Variants in SH3PXD2A observed in about 807,000 individuals in gnomAD.
SH3PXD2A encodes SH3 and PX domain-containing protein 2A.
In SH3PXD2A, 32 loss-of-function variants were observed where a neutral mutation model predicts 115.2. The observed-to-expected ratio is 0.28, with a 90% CI of 0.21 to 0.37. The LOEUF (loss-of-function observed/expected upper bound fraction) is 0.37. Among genes scored for constraint, SH3PXD2A ranks in the 10% least tolerant of loss-of-function variants. SH3PXD2A has a pLI of 1.00. For synonymous variants in SH3PXD2A, 610 were observed against 629.1 expected, an observed-to-expected ratio of 0.97 and a Z score of 0.45; for missense variants, 1,328 against 1,498.7, an observed-to-expected ratio of 0.89 and a Z score of 1.88.
intron 6 of SH3PXD2A, among the ~76,000 whole-genome samples, chr10:103,688,417 G>A (rs1490183472): frequency 1.3e-5 from 2 of 152,230 alleles, no homozygotes; most frequent in Non-Finnish European, 2.9e-5. Context: ...CAGAGAAGAA[G>A]CAAGCAAACA....
At chr10:103,799,390 G>T (rs1444837359) in intron 2 of SH3PXD2A, among the ~76,000 whole-genome samples, 1 of 152,246 alleles carries the variant, frequency 6.6e-6, no homozygotes, top group Non-Finnish European at 1.5e-5. Flanking sequence ...TCCAAAGAAC[G>T]ATTCCAACCC....
Position 103,603,654 on chromosome 10 carries a change from C to G in SH3PXD2A, c.1564G>C (p.Val522Leu), listed in dbSNP as rs1266161823. 1 of 1,605,242 alleles carries G rather than the reference C, an allele frequency of 6.2e-7. No homozygotes were observed. Among genetic ancestry groups the G allele is most frequent in the East Asian group, 2.2e-5 (1 of 44,810 alleles). ...RRTSTLTRPK[V>L]PPPAPPSKPK... ...TTGCTGGGGGGTGCTGGCGGGGGCA[C>G]CTTGGGCCGGGTCAGCGTGCTTGTG... Residue 522 changes from valine to leucine, a missense_variant, in exon 15 of 15, where the codon GTG becomes CTG. Around this residue, in one of 5 missense-constraint regions of SH3PXD2A, gnomAD observed 509 missense variants for 628.3 expected, o/e 0.81. Coordinates refer to ENST00000369774, the MANE Select transcript of SH3PXD2A (RefSeq NM_001394015.1).
chr10:103,804,414 C>A lies in SH3PXD2A; in HGVS notation c.73-3052G>T, dbSNP rs576215378. Among the ~76,000 whole-genome samples the A allele has an allele frequency of 8.0e-5, 12 of 150,110 alleles. No individual in the cohort carries two copies. The South Asian group carries it at 2.6e-3, about 32-fold the overall frequency. The stretch of plus-strand genomic sequence containing the variant: ...TCGGCTCATTGTGACCTCCGCCTCC[C>A]GGGTTCACGCCATTCTCCTGCCTCA... On this transcript the variant is annotated intron_variant, in intron 1 of 14. Transcript: ENST00000369774.
At chr10:103,830,529 A>G (rs2134302795) in intron 1 of SH3PXD2A, among the ~76,000 whole-genome samples, 1 of 152,338 alleles carries the variant, frequency 6.6e-6, no homozygotes, top group South Asian at 2.1e-4. Context: ...GCTGCAATAT[A>G]TAAGGATGTC....
chr10:103,838,430 G>C (rs2039566899), intron 1 of SH3PXD2A, among the ~76,000 whole-genome samples: 1 of 152,204 alleles, frequency 6.6e-6, no homozygotes, highest in Non-Finnish European at 1.5e-5. Flanking sequence ...GAGGGGGTAA[G>C]TGACTCACCC....
chr10:103,758,708 G>A (rs1271675521), intron 3 of SH3PXD2A, among the ~76,000 whole-genome samples: 1 of 152,236 alleles, frequency 6.6e-6, no homozygotes, highest in African/African-American at 2.4e-5. Context: ...TTTGGGGATG[G>A]GAAGCAGTAA....
At chr10:103,750,890 C>G (rs1367462900) in intron 3 of SH3PXD2A, among the ~76,000 whole-genome samples, 1 of 152,148 alleles carries the variant, frequency 6.6e-6, no homozygotes, top group Non-Finnish European at 1.5e-5. Context: ...TGCCTGTGAA[C>G]AATTTTGTCA....
intron 8 of SH3PXD2A, among the ~76,000 whole-genome samples, chr10:103,654,419 G>A (rs1039221018): frequency 5.9e-5 from 9 of 152,110 alleles, no homozygotes; most frequent in African/African-American, 2.2e-4. Flanking sequence ...CCAGATGGGG[G>A]AAATTGAGGC....
intron 7 of SH3PXD2A, among the ~76,000 whole-genome samples, chr10:103,664,834 A>AT (rs550788182): frequency 1.3e-5 from 2 of 150,146 alleles, no homozygotes; most frequent in East Asian, 1.9e-4. Flanking sequence ...ACCTGGCTAA[A>AT]TTTTTTTTTG....
intron 5 of SH3PXD2A, 111 bp downstream of exon 5, chr10:103,724,159 C>T (rs967513161): frequency 4.0e-6 from 2 of 495,916 alleles, no homozygotes; most frequent in African/African-American, 2.0e-5. Flanking sequence ...CCCGGCTGGC[C>T]CTGCTAGCTC....
At position 103,830,385 on chromosome 10, in the gene SH3PXD2A, G is replaced by C. The variant is rs368301497; in HGVS notation, c.72+24810C>G. ...GCCAATAGGCTGGAAGGTCTTCCGG[G>C]TATTACCAAGTGTTGATGAGGATGT... On this transcript the variant is annotated intron_variant, in intron 1 of 14. Coordinates refer to ENST00000369774, the MANE Select transcript of SH3PXD2A (RefSeq NM_001394015.1). 2.0e-5 allele frequency among the ~76,000 whole-genome samples: 3 copies of C among 152,196 alleles called. No individual in the cohort carries two copies. The East Asian group carries it at 5.8e-4, about 29-fold the overall frequency.
intron 5 of SH3PXD2A, among the ~76,000 whole-genome samples, chr10:103,693,950 G>C (rs924114438): frequency 1.3e-5 from 2 of 152,162 alleles, no homozygotes; most frequent in Non-Finnish European, 2.9e-5. Flanking sequence ...CTCCAGCAAA[G>C]AGTCCAGACT....
chr10:103,743,878 A>G (rs1374961292), intron 3 of SH3PXD2A, among the ~76,000 whole-genome samples: 1 of 152,222 alleles, frequency 6.6e-6, no homozygotes, highest in African/African-American at 2.4e-5. Flanking sequence ...CTTATTAACC[A>G]TTCACACCTG....
chr10:103,720,522 C>G (rs1258692033), intron 5 of SH3PXD2A, among the ~76,000 whole-genome samples: 1 of 152,212 alleles, frequency 6.6e-6, no homozygotes, highest in Non-Finnish European at 1.5e-5. Context: ...GACGGTCCCC[C>G]ACCCCAGCCC....
Position 103,735,712 on chromosome 10 carries a change from AG to A in SH3PXD2A, c.306+19del. On this transcript the variant is annotated intron_variant, in intron 4 of 14. Coordinates refer to ENST00000369774, the MANE Select transcript of SH3PXD2A (RefSeq NM_001394015.1). Reference sequence around the variant, plus strand: ...GAAGCCCTCCCCGAGCCCCTCCCCCAGCCCCAGATACACTCTCACCCGGCAG... The same window carrying A: ...GAAGCCCTCCCCGAGCCCCTCCCCCACCCCAGATACACTCTCACCCGGCAG... The A allele has an allele frequency of 2.5e-6, 2 of 813,596 alleles. No individual in the cohort carries two copies. Among genetic ancestry groups the A allele is most frequent in the Non-Finnish European group, 3.9e-6 (2 of 509,528 alleles). 50.4% of individuals were successfully genotyped at this position (813,596 alleles called of 1,614,324 possible).
intron 2 of SH3PXD2A, among the ~76,000 whole-genome samples, chr10:103,800,169 C>T (rs977161812): frequency 7.2e-5 from 11 of 152,234 alleles, no homozygotes; most frequent in African/African-American, 2.6e-4. Flanking sequence ...AACATCTTGG[C>T]TCTACCTGAA....
rs749377532 is a variant in SH3PXD2A at position 103,613,148 on chromosome 10, C to T, written c.963G>A (p.Lys321=). 2.5e-6 allele frequency: 4 copies of T among 1,611,156 alleles called. No homozygotes were observed. The highest frequency in any genetic ancestry group is 1.1e-5 in the South Asian group (1 of 90,422). The change falls in exon 12 of 15, where the codon AAG becomes AAA. Residue 321 remains lysine, a synonymous_variant. Transcript: ENST00000369774. ...GGGTTGGCAGGTCATCCTTGGCCTTCTTCAGGTAGGATGCTGGCGCCCAGC... is the reference window on the plus strand; with the variant it reads ...GGGTTGGCAGGTCATCCTTGGCCTTTTTCAGGTAGGATGCTGGCGCCCAGC... The part of the protein sequence containing the change: ...KEGWAPASYL[K]KAKDDLPTRK...
chr10:103,709,201 G>A (rs1012912296), intron 5 of SH3PXD2A, among the ~76,000 whole-genome samples: 10 of 152,162 alleles, frequency 6.6e-5, no homozygotes, highest in African/African-American at 2.2e-4. Flanking sequence ...CCCAGGCACC[G>A]CACCAGGGAT....
intron 2 of SH3PXD2A, among the ~76,000 whole-genome samples, chr10:103,772,668 A>AT (rs1478670319): frequency 6.6e-6 from 1 of 152,192 alleles, no homozygotes; most frequent in Non-Finnish European, 1.5e-5. Flanking sequence ...GAGAAAGCTG[A>AT]TTCGGCAGCT....
Sources: allele counts gnomAD v4.1 joint callset (sites outside exome capture counted in the v4.1 genomes callset), GRCh38; gene constraint gnomAD v4.1.1; regional missense constraint gnomAD v4.1.1; transcripts MANE v1.5; gene names NCBI Gene and HGNC (gene_info 2026-07-23, HGNC 2026-07-21).